Variants in KCNG2 observed in about 807,000 individuals in gnomAD.
The protein encoded by KCNG2 is voltage-gated potassium channel regulatory subunit KCNG2.
KCNG2 carries 7 observed loss-of-function variants against 12.3 expected under a neutral mutation model. That is an observed-to-expected ratio of 0.57 (90% CI 0.32 to 1.07). The LOEUF (loss-of-function observed/expected upper bound fraction) is 1.07. Among genes scored for constraint, KCNG2 ranks in the 50% least tolerant of loss-of-function variants. KCNG2 has a pLI of 0.04. For missense variants in KCNG2, 703 were observed against 726.0 expected (o/e 0.97, Z 0.36); for synonymous variants, 414 against 351.4 (o/e 1.18, Z -1.99).
chr18:79,824,207 C>G (rs1221700984), intron 1 of KCNG2, among the ~76,000 whole-genome samples: 2 of 152,212 alleles, frequency 1.3e-5, no homozygotes, highest in Non-Finnish European at 2.9e-5. Flanking sequence ...CCATTTTGCC[C>G]AAACTGATCT....
chr18:79,875,783 A>G (rs1463107596), intron 3 of KCNG2: 1 of 152,394 alleles, frequency 6.6e-6, no homozygotes, highest in African/African-American at 2.4e-5. Flanking sequence ...CTGAGCCCCC[A>G]TTAAGTGCAG....
chr18:79,883,450 A>C (rs1980398732), intron 3 of KCNG2, among the ~76,000 whole-genome samples: 1 of 152,238 alleles, frequency 6.6e-6, no homozygotes. Context: ...CAACTCCCCA[A>C]AATAGAATTT....
chr18:79,895,974 AT>A (rs911883173), intron 3 of KCNG2, among the ~76,000 whole-genome samples: 60 of 151,374 alleles, frequency 4.0e-4, no homozygotes, highest in African/African-American at 9.4e-4. Context: ...ATATATATGT[AT>A]TTTTTTTTGA....
intron 3 of KCNG2, among the ~76,000 whole-genome samples, chr18:79,879,985 ATGTAAT>A (rs1178131265): frequency 2.0e-5 from 3 of 152,200 alleles, no homozygotes; most frequent in African/African-American, 7.2e-5. Flanking sequence ...TGAGAAAAAA[ATGTAAT>A]TGTAGAGCAC....
intron 1 of KCNG2, among the ~76,000 whole-genome samples, chr18:79,812,046 G>T (rs370275078): frequency 6.6e-6 from 1 of 152,272 alleles, no homozygotes. Context: ...GGCTGAAAAA[G>T]TATTTGAAGA....
intron 1 of KCNG2, among the ~76,000 whole-genome samples, chr18:79,833,017 T>C (rs1978304680): frequency 6.7e-6 from 1 of 148,564 alleles, no homozygotes; most frequent in Admixed American, 6.9e-5. Context: ...AAATTGGCAA[T>C]GAAGGATATT....
Position 79,826,616 on chromosome 18 carries a change from A to T in KCNG2, c.-115+28602A>T, listed in dbSNP as rs929979089. Among the ~76,000 whole-genome samples the T allele has an allele frequency of 7.8e-5, 11 of 140,302 alleles. 1 individual carries two copies. Among genetic ancestry groups the T allele is most frequent in the Admixed American group, 5.1e-4 (7 of 13,838 alleles). 92.0% of individuals were successfully genotyped at this position (140,302 alleles called of 152,430 possible). A position where few individuals can be genotyped will look rare whatever the true frequency, so the allele number is the denominator to read the frequency against. On this transcript the variant is annotated intron_variant, in intron 1 of 3. Transcript: ENST00000316249. ...CATTACGTTCAGTGAAAACTGAGTG[A>T]GCAGCTCCTCACGGAAGATTACATT...
intron 2 of KCNG2, among the ~76,000 whole-genome samples, chr18:79,856,983 TCCAGCCCTTCTG>T (rs1220294352): frequency 2.0e-5 from 2 of 101,076 alleles, no homozygotes; most frequent in African/African-American, 3.8e-5. Flanking sequence ...GATGCCCTGC[TCCAGCCCTTCTG>T]CTGGGCCAGC....
intron 3 of KCNG2, among the ~76,000 whole-genome samples, chr18:79,877,661 A>T (rs2123104470): frequency 6.6e-6 from 1 of 152,042 alleles, no homozygotes; most frequent in East Asian, 1.9e-4. Context: ...TGAATTGAGA[A>T]CAGAGGCCCA....
At chr18:79,832,812 T>C (rs1255957499) in intron 1 of KCNG2, among the ~76,000 whole-genome samples, 1 of 152,184 alleles carries the variant, frequency 6.6e-6, no homozygotes, top group Non-Finnish European at 1.5e-5. Flanking sequence ...TTCAACGTGT[T>C]CTCAGAAGTA....
chr18:79,798,177 G>C (rs1250690773), intron 1 of KCNG2, among the ~76,000 whole-genome samples, 163 bp downstream of exon 1: 1 of 150,934 alleles, frequency 6.6e-6, no homozygotes, highest in Non-Finnish European at 1.5e-5. Flanking sequence ...GGGTCGAAGG[G>C]GACCTTGGAA....
At chr18:79,879,475 A>G in intron 3 of KCNG2, among the ~76,000 whole-genome samples, 1 of 148,526 alleles carries the variant, frequency 6.7e-6, no homozygotes, top group South Asian at 2.2e-4. Context: ...GTGTCCATGA[A>G]ACAAGAACAA....
At position 79,900,025 on chromosome 18, in the gene KCNG2, C is replaced by T. The variant is rs1342423666; in HGVS notation, c.*209C>T. 7 of 379,292 alleles carry T rather than the reference C, an allele frequency of 1.8e-5. No individual in the cohort carries two copies. The highest frequency in any genetic ancestry group is 3.2e-5 in the Non-Finnish European group (7 of 216,284). 23.5% of individuals were successfully genotyped at this position (379,292 alleles called of 1,614,324 possible). On this transcript the variant is annotated 3_prime_UTR_variant, in exon 4 of 4. Transcript: ENST00000316249. ...GCTGGGCAAAGTCACTGGCCTTTGT[C>T]CTCCTGCCCCACCCCTTTCCTTGGA...
chr18:79,805,306 A>T (rs867016969), intron 1 of KCNG2, among the ~76,000 whole-genome samples: 5 of 152,186 alleles, frequency 3.3e-5, no homozygotes, highest in Non-Finnish European at 5.9e-5. Flanking sequence ...TTCCAAATAC[A>T]TGGCTTTTTG....
rs570573666 is a variant in KCNG2, at chr18:79,867,962, G to A, written c.624+3671G>A. 6.2e-4 allele frequency among the ~76,000 whole-genome samples: 95 copies of A among 152,286 alleles called. 4 individuals carry two copies. The South Asian group carries it at 0.02, about 31-fold the overall frequency. On this transcript the variant is annotated intron_variant, in intron 3 of 3. Coordinates refer to ENST00000316249, the MANE Select transcript of KCNG2 (RefSeq NM_012283.2). ...CGAGTGCCAATCTGACTTAAATACAGGTTTGGAAGTCGGCTGCTGCCTGCA... is the reference window on the plus strand; with the variant it reads ...CGAGTGCCAATCTGACTTAAATACAAGTTTGGAAGTCGGCTGCTGCCTGCA...
At chr18:79,874,675 G>T (rs972144586) in intron 3 of KCNG2, among the ~76,000 whole-genome samples, 1 of 152,218 alleles carries the variant, frequency 6.6e-6, no homozygotes, top group Non-Finnish European at 1.5e-5. Flanking sequence ...TTTGGGCTTG[G>T]CATGCTCTGT....
At chr18:79,859,490 G>A (rs530641303) in intron 2 of KCNG2, among the ~76,000 whole-genome samples, 14 of 152,274 alleles carry the variant, frequency 9.2e-5, no homozygotes, top group Non-Finnish European at 1.5e-4. Flanking sequence ...GGTGCCAGGC[G>A]GGTTCAACAG....
intron 1 of KCNG2, among the ~76,000 whole-genome samples, chr18:79,828,421 TG>T (rs1307490477): frequency 1.4e-5 from 2 of 146,956 alleles, no homozygotes; most frequent in Admixed American, 7.0e-5. Flanking sequence ...TGTGCATGTT[TG>T]GGTGCATCTG....
At chr18:79,840,979 CAA>C (rs1050179419) in intron 1 of KCNG2, among the ~76,000 whole-genome samples, 5 of 152,098 alleles carry the variant, frequency 3.3e-5, no homozygotes, top group African/African-American at 1.2e-4. Flanking sequence ...ACAAAAATAA[CAA>C]GAGAAGCCTG....
Sources: allele counts gnomAD v4.1 joint callset (sites outside exome capture counted in the v4.1 genomes callset), GRCh38; gene constraint gnomAD v4.1.1; transcripts MANE v1.5; gene names NCBI Gene and HGNC (gene_info 2026-07-23, HGNC 2026-07-21).